Variants in ASCC3 observed in about 807,000 individuals in gnomAD.
ASCC3 encodes the protein ASC-1 complex subunit P200.
In ASCC3, 158 loss-of-function variants were observed where a neutral mutation model predicts 256.3. The observed-to-expected ratio is 0.62, with a 90% CI of 0.54 to 0.70. The LOEUF (loss-of-function observed/expected upper bound fraction) is 0.70, where lower values mean the gene tolerates loss of function less well. ASCC3 is among the 30% of genes least tolerant of loss of function. The pLI is 0.00. For missense variants in ASCC3, 2,259 were observed against 2,626.0 expected, an observed-to-expected ratio of 0.86 and a Z score of 3.05; for synonymous variants, 948 against 883.4, an observed-to-expected ratio of 1.07 and a Z score of -1.30.
At chr6:100,678,031 C>T (rs1325920563) in intron 14 of ASCC3, among the ~76,000 whole-genome samples, 2 of 151,916 alleles carry the variant, frequency 1.3e-5, no homozygotes, top group Admixed American at 1.3e-4. Context: ...TACACATATG[C>T]CATATCAAGG....
At chr6:100,532,910 T>C (rs950679960) in intron 37 of ASCC3, among the ~76,000 whole-genome samples, 1 of 152,178 alleles carries the variant, frequency 6.6e-6, no homozygotes, top group Non-Finnish European at 1.5e-5. Flanking sequence ...CTTTCAGTAT[T>C]TCCTGATTTC....
intron 13 of ASCC3, among the ~76,000 whole-genome samples, chr6:100,701,017 T>C (rs2114998858): frequency 6.6e-6 from 1 of 152,262 alleles, no homozygotes; most frequent in South Asian, 2.1e-4. Flanking sequence ...GGTGGAATGA[T>C]ATGGTTTGGC....
intron 37 of ASCC3, among the ~76,000 whole-genome samples, chr6:100,525,351 A>G (rs1774528049): frequency 6.6e-6 from 1 of 151,866 alleles, no homozygotes; most frequent in Admixed American, 6.6e-5. Flanking sequence ...ATTTATAAAA[A>G]CCAAGTTGTT....
intron 4 of ASCC3, among the ~76,000 whole-genome samples, chr6:100,818,961 A>G (rs985993568): frequency 3.2e-4 from 49 of 152,160 alleles, no homozygotes; most frequent in African/African-American, 1.1e-3. Context: ...TGTGGCACAT[A>G]TACACCATGG....
rs567514537 is a variant in ASCC3, at chr6:100,656,774, T to G, written c.2704-956A>C. On this transcript the variant is annotated intron_variant, in intron 16 of 41. Coordinates refer to ENST00000369162, the MANE Select transcript of ASCC3 (RefSeq NM_006828.4). Reference sequence around the variant, plus strand: ...ATGGTTCTATAGGTAGTAATTTTATTTTTACTTAAGGTACTTATTTTACTT... The same window carrying G: ...ATGGTTCTATAGGTAGTAATTTTATGTTTACTTAAGGTACTTATTTTACTT... Among the ~76,000 whole-genome samples the G allele has an allele frequency of 2.8e-4, 42 of 151,396 alleles. 1 individual carries two copies. Among genetic ancestry groups the G allele is most frequent in the African/African-American group, 9.9e-4 (41 of 41,510 alleles).
intron 25 of ASCC3, among the ~76,000 whole-genome samples, chr6:100,637,782 A>G (rs984876097): frequency 7.2e-5 from 11 of 152,184 alleles, no homozygotes; most frequent in Admixed American, 7.2e-4. Context: ...CAGCAAGAGA[A>G]CTAGAATTAG....
At chr6:100,722,528 C>A (rs950241138) in intron 11 of ASCC3, among the ~76,000 whole-genome samples, 1 of 151,760 alleles carries the variant, frequency 6.6e-6, no homozygotes, top group Non-Finnish European at 1.5e-5. Context: ...CCCAATTCTA[C>A]ACCAGCCTAA....
At chr6:100,522,132 T>A (rs1342371014) in intron 37 of ASCC3, among the ~76,000 whole-genome samples, 2 of 152,132 alleles carry the variant, frequency 1.3e-5, no homozygotes, top group African/African-American at 4.8e-5. Flanking sequence ...CTTTACCTCT[T>A]ATCCACTTTC....
chr6:100,632,255 A>C, intron 25 of ASCC3, among the ~76,000 whole-genome samples: 1 of 151,614 alleles, frequency 6.6e-6, no homozygotes, highest in Non-Finnish European at 1.5e-5. Flanking sequence ...CTTAGGAATA[A>C]AGTTAACTAA....
chr6:100,707,797 G>T (rs796841665), intron 13 of ASCC3, among the ~76,000 whole-genome samples: 1 of 152,070 alleles, frequency 6.6e-6, no homozygotes, highest in Non-Finnish European at 1.5e-5. Context: ...TCAAAAGAAG[G>T]ATAGCTCCTT....
At chr6:100,758,459 A>G (rs956531637) in intron 10 of ASCC3, among the ~76,000 whole-genome samples, 5 of 151,942 alleles carry the variant, frequency 3.3e-5, no homozygotes. Context: ...TCATTGTTCA[A>G]TTCCCACTTC....
In ASCC3 at chr6:100,766,636, G is replaced by A. The variant is rs776648886; in HGVS notation, c.1666C>T (p.Pro556Ser). ...MTDYFSRRLE[P>S]LGIIVKELTG... ...AATTCTTTCACAATGATGCCTAGTG[G>A]CTCTAGACGTCTGCTGAAGTAATCT... The change falls in exon 10 of 42, where the codon CCA (proline) becomes TCA (serine). Residue 556 changes from proline (P) to serine (S), a missense_variant. By Grantham distance (74) the Pro-to-Ser change is moderately conservative. Transcript: ENST00000369162. The A allele has an allele frequency of 6.2e-7, 1 of 1,613,842 alleles. No individual in the cohort carries two copies. Among genetic ancestry groups the A allele is most frequent in the African/African-American group, 1.3e-5 (1 of 74,892 alleles).
Position 100,653,502 on chromosome 6 carries a change from G to C in ASCC3, c.2824-613C>G, listed in dbSNP as rs147962532. On this transcript the variant is annotated intron_variant, in intron 17 of 41. Transcript: ENST00000369162. The stretch of plus-strand genomic sequence containing the variant: ...AAAATACAAAAATTAGCTGGGTATG[G>C]TGGTGCGCGCCTGTAATCCCAGCTA... 7.2e-3 allele frequency among the ~76,000 whole-genome samples: 1,087 copies of C among 151,850 alleles called. 11 individuals carry two copies. Among genetic ancestry groups the C allele is most frequent in the African/African-American group, 0.024 (1,012 of 41,482 alleles).
At position 100,597,809 on chromosome 6, in the gene ASCC3, G is replaced by GAAAAGAAAAAAAAAAAA. The variant is rs1772377339; in HGVS notation, c.5303+4000_5303+4001insTTTTTTTTTTTTCTTTT. Among the ~76,000 whole-genome samples, 2 of 88,612 alleles carry GAAAAGAAAAAAAAAAAA rather than the reference G, an allele frequency of 2.3e-5. 1 individual carries two copies. Among genetic ancestry groups the GAAAAGAAAAAAAAAAAA allele is most frequent in the Admixed American group, 2.4e-4 (2 of 8,172 alleles). 58.1% of individuals were successfully genotyped at this position (88,612 alleles called of 152,430 possible). ...TACACAGTGAAACCCCGTCTCTACTGAAAAAAAAAAAAAAATTAGCCGAGC... is the reference window on the plus strand; with the variant it reads ...TACACAGTGAAACCCCGTCTCTACTGAAAAGAAAAAAAAAAAAAAAAAAAAAAAAAAATTAGCCGAGC... On this transcript the variant is annotated intron_variant, in intron 34 of 41. Coordinates refer to ENST00000369162, the MANE Select transcript of ASCC3 (RefSeq NM_006828.4).
intron 36 of ASCC3, among the ~76,000 whole-genome samples, chr6:100,555,677 A>T (rs1365789851): frequency 6.6e-6 from 1 of 152,190 alleles, no homozygotes; most frequent in Non-Finnish European, 1.5e-5. Flanking sequence ...AGGCTACAAT[A>T]AAAATGCCTT....
At chr6:100,577,076 G>A (rs1416611571) in intron 36 of ASCC3, among the ~76,000 whole-genome samples, 8 of 147,734 alleles carry the variant, frequency 5.4e-5, no homozygotes, top group African/African-American at 2.0e-4. Flanking sequence ...TATTCCTAAA[G>A]TATCCAGAGC....
At chr6:100,764,309 T>C (rs1249314431) in intron 10 of ASCC3, among the ~76,000 whole-genome samples, 1 of 152,104 alleles carries the variant, frequency 6.6e-6, no homozygotes, top group Non-Finnish European at 1.5e-5. Context: ...TTGAACTGGG[T>C]TTTAAAGAAT....
intron 25 of ASCC3, among the ~76,000 whole-genome samples, chr6:100,637,014 AG>A (rs1774876750): frequency 6.6e-6 from 1 of 152,210 alleles, no homozygotes; most frequent in Admixed American, 6.5e-5. Context: ...TAATTGATGA[AG>A]GTGGCTACAA....
chr6:100,877,491 A>T (rs1774060466), intron 1 of ASCC3, among the ~76,000 whole-genome samples: 2 of 152,218 alleles, frequency 1.3e-5, no homozygotes, highest in African/African-American at 2.4e-5. Flanking sequence ...CAAGATCAGA[A>T]CTCAGAAAAT....
Sources: allele counts gnomAD v4.1 joint callset (sites outside exome capture counted in the v4.1 genomes callset), GRCh38; gene constraint gnomAD v4.1.1; transcripts MANE v1.5; gene names NCBI Gene and HGNC (gene_info 2026-07-23, HGNC 2026-07-21).